The following RARB variants were observed in gnomAD, a reference collection of about 807,000 sequenced individuals.
RARB encodes the protein HBV-activated protein.
Under a neutral mutation model 51.9 loss-of-function variants are expected in RARB, and 17 were observed. The observed-to-expected ratio is 0.33, with a 90% CI of 0.22 to 0.49. RARB has a LOEUF of 0.49. RARB is among the 20% of genes least tolerant of loss of function. RARB has a pLI of 0.99. For synonymous variants in RARB, 215 were observed against 195.4 expected, an observed-to-expected ratio of 1.10 and a Z score of -0.84; for missense variants, 369 against 550.8, an observed-to-expected ratio of 0.67 and a Z score of 3.30.
chr3:25,087,621 A>G (rs1023845947), intron 3 of RARB, among the ~76,000 whole-genome samples: 2 of 152,156 alleles, frequency 1.3e-5, no homozygotes, highest in Admixed American at 1.3e-4. Flanking sequence ...TTTGAAGAAT[A>G]CCTGGCACAT....
chr3:25,565,202 C>T (rs1377605599), intron 3 of RARB, among the ~76,000 whole-genome samples: 1 of 152,202 alleles, frequency 6.6e-6, no homozygotes, highest in Non-Finnish European at 1.5e-5. Flanking sequence ...CTGATCCTGA[C>T]TGTATCACTC....
chr3:25,099,531 ATCT>A (rs1699359527), intron 3 of RARB, among the ~76,000 whole-genome samples: 1 of 151,588 alleles, frequency 6.6e-6, no homozygotes, highest in African/African-American at 2.4e-5. Context: ...ATCAAATTAC[ATCT>A]TCTTAGATAT....
intron 5 of RARB, among the ~76,000 whole-genome samples, chr3:25,285,280 T>G (rs1167179548): frequency 6.6e-6 from 1 of 152,068 alleles, no homozygotes; most frequent in Non-Finnish European, 1.5e-5. Context: ...AAGAACAAAT[T>G]AAGTGAATTG....
At chr3:25,353,652 C>G (rs915604244) in intron 5 of RARB, among the ~76,000 whole-genome samples, 1 of 150,872 alleles carries the variant, frequency 6.6e-6, no homozygotes, top group African/African-American at 2.4e-5. Context: ...GTAATTAAAA[C>G]CAAAATTCTG....
intron 3 of RARB, among the ~76,000 whole-genome samples, chr3:25,076,850 G>T (rs772369627): frequency 6.6e-6 from 1 of 152,024 alleles, no homozygotes; most frequent in East Asian, 1.9e-4. Flanking sequence ...AGAAATGTGG[G>T]GTTACTTTAT....
intron 2 of RARB, among the ~76,000 whole-genome samples, chr3:25,034,012 G>A (rs994410326): frequency 6.6e-6 from 1 of 152,128 alleles, no homozygotes; most frequent in Admixed American, 6.5e-5. Context: ...TTCTTAAGCC[G>A]TAGGATCTAG....
chr3:25,492,094 G>A (rs907041956), intron 2 of RARB, among the ~76,000 whole-genome samples: 4 of 152,342 alleles, frequency 2.6e-5, no homozygotes, highest in Admixed American at 1.3e-4. Flanking sequence ...TTTGAAGACA[G>A]TTTAGCAGTG....
intron 3 of RARB, among the ~76,000 whole-genome samples, chr3:25,086,730 G>A (rs1237589645): frequency 6.6e-6 from 1 of 152,200 alleles, no homozygotes; most frequent in East Asian, 1.9e-4. Context: ...CAGGTCACAG[G>A]TGTATTCAAA....
chr3:25,451,119 C>T (rs1040172606), intron 1 of RARB, among the ~76,000 whole-genome samples: 7 of 152,134 alleles, frequency 4.6e-5, no homozygotes, highest in African/African-American at 1.7e-4. Context: ...AAAAAAAACC[C>T]TGCCCTAGAT....
At chr3:24,860,422 G>A (rs1702729135) in intron 2 of RARB, among the ~76,000 whole-genome samples, 1 of 152,108 alleles carries the variant, frequency 6.6e-6, no homozygotes, top group South Asian at 2.1e-4. Context: ...AGGTCATTTG[G>A]CAGAAGGTTT....
At chr3:25,518,979 A>G (rs1698290449) in intron 3 of RARB, among the ~76,000 whole-genome samples, 2 of 152,122 alleles carry the variant, frequency 1.3e-5, no homozygotes, top group Non-Finnish European at 2.9e-5. Flanking sequence ...AACTCTTCCA[A>G]TATCTGTCAC....
At chr3:25,101,316 A>G (rs1326188909) in intron 3 of RARB, among the ~76,000 whole-genome samples, 2 of 152,210 alleles carry the variant, frequency 1.3e-5, no homozygotes, top group Non-Finnish European at 2.9e-5. Flanking sequence ...TGCACGTGGA[A>G]AAGAAAAAAA....
intron 3 of RARB, among the ~76,000 whole-genome samples, chr3:25,064,315 C>T (rs1698614487): frequency 6.6e-6 from 1 of 152,042 alleles, no homozygotes; most frequent in African/African-American, 2.4e-5. Flanking sequence ...AGAGATCTCT[C>T]AATTTTATGG....
At chr3:25,517,081 C>T (rs1698199796) in intron 3 of RARB, among the ~76,000 whole-genome samples, 1 of 152,176 alleles carries the variant, frequency 6.6e-6, no homozygotes, top group African/African-American at 2.4e-5. Flanking sequence ...AGACATACAA[C>T]TTGTGGTTTC....
At chr3:25,577,850 G>A (rs962885464) in intron 4 of RARB, among the ~76,000 whole-genome samples, 15 of 141,062 alleles carry the variant, frequency 1.1e-4, no homozygotes, top group East Asian at 2.1e-4. Flanking sequence ...GCCCTGGGGG[G>A]CCATGGGCGC....
At chr3:24,969,450 A>G (rs1575097173) in intron 2 of RARB, among the ~76,000 whole-genome samples, 1 of 152,216 alleles carries the variant, frequency 6.6e-6, no homozygotes, top group East Asian at 1.9e-4. Context: ...GATTTTGATT[A>G]TACAAGAGCC....
At chr3:25,478,616 T>C (rs1181558539) in intron 2 of RARB, among the ~76,000 whole-genome samples, 1 of 152,226 alleles carries the variant, frequency 6.6e-6, no homozygotes, top group African/African-American at 2.4e-5. Context: ...GAGTGCGTTC[T>C]GGCTTTCCTG....
At chr3:25,162,231 G>A (rs1700485214) in intron 4 of RARB, among the ~76,000 whole-genome samples, 2 of 152,066 alleles carry the variant, frequency 1.3e-5, no homozygotes, top group Non-Finnish European at 2.9e-5. Flanking sequence ...AACCTCTCAA[G>A]TAGCTAAGAC....
intron 5 of RARB, among the ~76,000 whole-genome samples, chr3:25,250,035 G>A (rs1327968753): frequency 6.6e-6 from 1 of 152,156 alleles, no homozygotes; most frequent in African/African-American, 2.4e-5. Flanking sequence ...TTGATTAATG[G>A]CAGTAGCAGT....
Sources: gnomAD v4.1 joint callset for allele counts (sites outside exome capture counted in the v4.1 genomes callset) on GRCh38, gnomAD v4.1.1 for gene constraint, MANE v1.5 for transcripts, NCBI Gene and HGNC (gene_info 2026-07-23, HGNC 2026-07-21) for gene names.